The following FBN2 variants were observed in gnomAD, a reference collection of about 807,000 sequenced individuals.
FBN2 encodes the protein fibrillin-2.
Under a neutral mutation model 355.6 loss-of-function variants are expected in FBN2, and 105 were observed. That is an observed-to-expected ratio of 0.30 (90% CI 0.25 to 0.35). FBN2 has a LOEUF of 0.35. Among genes scored for constraint, FBN2 ranks in the 10% least tolerant of loss-of-function variants. The pLI, the probability that FBN2 is intolerant of heterozygous loss-of-function variation, is 1.00. For missense variants in FBN2, 3,280 were observed against 3,758.7 expected (o/e 0.87, Z 3.33); for synonymous variants, 1,350 against 1,301.2 (o/e 1.04, Z -0.81).
At chr5:128,303,982 A>C (rs1489087926) in intron 45 of FBN2, among the ~76,000 whole-genome samples, 2 of 152,172 alleles carry the variant, frequency 1.3e-5, no homozygotes, top group Non-Finnish European at 2.9e-5. Flanking sequence ...CTGCCATTAT[A>C]GGAGAAGTCC....
intron 16 of FBN2, among the ~76,000 whole-genome samples, chr5:128,368,111 T>C (rs1388523465): frequency 6.6e-6 from 1 of 152,098 alleles, no homozygotes; most frequent in African/African-American, 2.4e-5. Flanking sequence ...CCTTCCTCTG[T>C]GCTCTCTCCA....
intron 6 of FBN2, among the ~76,000 whole-genome samples, chr5:128,453,597 G>A (rs1047405611): frequency 2.0e-5 from 3 of 152,142 alleles, no homozygotes; most frequent in Non-Finnish European, 4.4e-5. Flanking sequence ...ATTCTTTGAA[G>A]CATGTTCATA....
At chr5:128,286,402 G>A (rs1050484561) in intron 55 of FBN2, among the ~76,000 whole-genome samples, 4 of 151,966 alleles carry the variant, frequency 2.6e-5, no homozygotes, top group Admixed American at 6.6e-5. Context: ...ATGAATTAGG[G>A]TTTACCTTTT....
In FBN2 at chr5:128,276,054, ATCC is replaced by A; in HGVS notation, c.7575_7577del (p.Glu2525del). ...TTCACTCACCTTTGCATGTCTTTCC[ATCC>A]TCTTGCAGGACATACCCCCTCGGAC... On this transcript the variant is annotated inframe_deletion, in exon 59 of 65. Transcript: ENST00000262464. 1 of 1,613,814 alleles carries A rather than the reference ATCC, an allele frequency of 6.2e-7. No individual in the cohort carries two copies. Among genetic ancestry groups the A allele is most frequent in the Non-Finnish European group, 8.5e-7 (1 of 1,179,754 alleles).
Position 128,258,483 on chromosome 5 carries a change from CATTA to C in FBN2, c.*968_*971del, listed in dbSNP as rs1360813233. On this transcript the variant is annotated 3_prime_UTR_variant, in exon 65 of 65. Coordinates refer to ENST00000262464, the MANE Select transcript of FBN2 (RefSeq NM_001999.4). ...AATAACTTGAACATAATAAATGCAC[CATTA>C]TTTAAGACAGCACGAAACACCACAG... The C allele has an allele frequency of 9.8e-5, 15 of 152,504 alleles. No individual in the cohort carries two copies. The highest frequency in any genetic ancestry group is 5.9e-4 in the Admixed American group (9 of 15,262). 9.4% of individuals were successfully genotyped at this position (152,504 alleles called of 1,614,324 possible). A position where few individuals can be genotyped will look rare whatever the true frequency, so the allele number is the denominator to read the frequency against.
intron 45 of FBN2, among the ~76,000 whole-genome samples, chr5:128,304,012 G>A (rs752794647): frequency 9.9e-5 from 15 of 152,142 alleles, no homozygotes; most frequent in Non-Finnish European, 2.1e-4. Flanking sequence ...GCTTTAGGAG[G>A]CAATGGATGA....
At chr5:128,443,210 C>G (rs1753969864) in intron 7 of FBN2, among the ~76,000 whole-genome samples, 1 of 152,150 alleles carries the variant, frequency 6.6e-6, no homozygotes, top group Non-Finnish European at 1.5e-5. Flanking sequence ...TGTTTACATG[C>G]TCTTGATCTC....
intron 48 of FBN2, among the ~76,000 whole-genome samples, chr5:128,297,245 C>G (rs185330999): frequency 6.6e-6 from 1 of 152,094 alleles, no homozygotes; most frequent in Non-Finnish European, 1.5e-5. Context: ...CTGAGGAGAG[C>G]TTTACTTCCA....
intron 52 of FBN2, among the ~76,000 whole-genome samples, 153 bp from the exon 53 acceptor site, chr5:128,288,710 A>G (rs1365951293): frequency 3.3e-5 from 5 of 152,318 alleles, no homozygotes; most frequent in Non-Finnish European, 5.9e-5. Context: ...GCTGGCAGCT[A>G]TGTAGTGCAG....
At chr5:128,369,066 C>G in intron 16 of FBN2, 116 bp downstream of exon 16, 1 of 1,070,546 alleles carries the variant, frequency 9.3e-7, no homozygotes, top group Non-Finnish European at 1.4e-6. Flanking sequence ...TTGGATTTCT[C>G]TTCTTCAGTT....
At chr5:128,329,820 A>G (rs891637036) in intron 33 of FBN2, among the ~76,000 whole-genome samples, 5 of 152,248 alleles carry the variant, frequency 3.3e-5, no homozygotes, top group African/African-American at 1.2e-4. Context: ...CTGAAAATCA[A>G]TTGAGAAACC....
In FBN2 at chr5:128,386,358, T is replaced by C. The variant is rs537509283; in HGVS notation, c.1603+5660A>G. Among the ~76,000 whole-genome samples the C allele has an allele frequency of 5.0e-4, 76 of 152,286 alleles. 1 individual carries two copies. In the South Asian group the frequency reaches 0.016, roughly 31 times the overall value. ...GGTGTGTGGCTTTATTTCTAGGTTC[T>C]CTAACCTGTTCCATTGGTCTATATC... is the stretch of plus-strand genomic sequence containing the variant. On this transcript the variant is annotated intron_variant, in intron 11 of 64. Transcript: ENST00000262464.
chr5:128,276,035 C>A lies in FBN2; in HGVS notation c.7594+3G>T. On this transcript the variant is annotated splice_donor_region_variant and intron_variant, in intron 59 of 64. Transcript: ENST00000262464. ...TCACGATTGTCAGAGACTCTTCACT[C>A]ACCTTTGCATGTCTTTCCATCCTCT... 6.2e-7 allele frequency: 1 copy of A among 1,613,698 alleles called. No individual in the cohort carries two copies. Among genetic ancestry groups the A allele is most frequent in the South Asian group, 1.1e-5 (1 of 91,070 alleles).
intron 14 of FBN2, among the ~76,000 whole-genome samples, chr5:128,375,813 A>G (rs1389818804): frequency 6.6e-6 from 1 of 152,108 alleles, no homozygotes; most frequent in Non-Finnish European, 1.5e-5. Context: ...AGGCAGGAGG[A>G]TTGCTTGAGC....
intron 3 of FBN2, among the ~76,000 whole-genome samples, chr5:128,528,729 T>C (rs1327384299): frequency 6.6e-6 from 1 of 152,154 alleles, no homozygotes; most frequent in African/African-American, 2.4e-5. Context: ...GGGTTTTCAT[T>C]ATATCCCAAA....
intron 14 of FBN2, among the ~76,000 whole-genome samples, chr5:128,375,196 A>C (rs1752049988): frequency 6.6e-6 from 1 of 152,212 alleles, no homozygotes; most frequent in African/African-American, 2.4e-5. Context: ...GAATTTATCA[A>C]ACGTAACCCA....
intron 15 of FBN2, among the ~76,000 whole-genome samples, chr5:128,369,693 T>A (rs927253879): frequency 1.3e-5 from 2 of 152,192 alleles, no homozygotes; most frequent in Admixed American, 6.5e-5. Context: ...AAATGACACT[T>A]CTTATTTCAA....
chr5:128,316,257 C>A lies in FBN2; in HGVS notation c.4717+1892G>T, dbSNP rs142337388. On this transcript the variant is annotated intron_variant, in intron 36 of 64. Coordinates refer to ENST00000262464, the MANE Select transcript of FBN2 (RefSeq NM_001999.4). ...TTCTAGGTGATGCCATAATTTTCCA[C>A]TTCTCGTTATTTTACTCTGTTGTAT... Among the ~76,000 whole-genome samples, 148 of 152,306 alleles carry A rather than the reference C, an allele frequency of 9.7e-4. 1 individual carries two copies. The highest frequency in any genetic ancestry group is 3.0e-3 in the African/African-American group (123 of 41,584).
chr5:128,500,123 A>T (rs1184692569), intron 5 of FBN2, among the ~76,000 whole-genome samples: 2 of 152,092 alleles, frequency 1.3e-5, no homozygotes, highest in Admixed American at 1.3e-4. Flanking sequence ...GTGTGACTTT[A>T]GATAGATTTC....
Sources: allele counts gnomAD v4.1 joint callset (sites outside exome capture counted in the v4.1 genomes callset), GRCh38; gene constraint gnomAD v4.1.1; transcripts MANE v1.5; gene names NCBI Gene and HGNC (gene_info 2026-07-23, HGNC 2026-07-21).